The following PLCG2 variants were observed in gnomAD, a reference collection of about 807,000 sequenced individuals.
PLCG2 encodes 1-phosphatidylinositol 4,5-bisphosphate phosphodiesterase gamma-2.
In PLCG2, 69 loss-of-function variants were observed where a neutral mutation model predicts 175.6. The ratio of observed to expected loss-of-function variants is 0.39; its 90% CI spans 0.32 to 0.48. PLCG2 has a LOEUF of 0.48. Among genes scored for constraint, PLCG2 ranks in the 20% least tolerant of loss-of-function variants. The probability of loss-of-function intolerance (pLI) is 0.91; values close to 1 mark genes in which losing one functional copy is unlikely to be tolerated. For synonymous variants in PLCG2, 827 were observed against 624.0 expected (o/e 1.33, Z -4.85); for missense variants, 1,798 against 1,650.9 (o/e 1.09, Z -1.54).
Position 81,958,139 on chromosome 16 carries a change from G to C in PLCG2, c.*141G>C, listed in dbSNP as rs775185402. On this transcript the variant is annotated 3_prime_UTR_variant, in exon 33 of 33. Coordinates refer to ENST00000564138, the MANE Select transcript of PLCG2 (RefSeq NM_002661.5). ...GCCTGCCATCAAGGACATTTCTTAAGACCCAACTGGCATGAGTTGGGGTAA... is the reference window on the plus strand; with the variant it reads ...GCCTGCCATCAAGGACATTTCTTAACACCCAACTGGCATGAGTTGGGGTAA... The C allele has an allele frequency of 8.5e-5, 56 of 662,656 alleles. No individual in the cohort carries two copies. The highest frequency in any genetic ancestry group is 1.5e-4 in the Non-Finnish European group (53 of 359,146). 41.0% of individuals were successfully genotyped at this position (662,656 alleles called of 1,614,324 possible).
intron 2 of PLCG2, among the ~76,000 whole-genome samples, chr16:81,807,071 G>A (rs1904284571): frequency 6.6e-6 from 1 of 152,182 alleles, no homozygotes; most frequent in South Asian, 2.1e-4. Context: ...TTCTCGCCAA[G>A]GCTTCCTAGG....
intron 9 of PLCG2, 80 bp downstream of exon 9, chr16:81,883,421 T>G: frequency 8.5e-7 from 1 of 1,181,592 alleles, no homozygotes. Flanking sequence ...CTGCCGCCTG[T>G]GCTCACCTGG....
At chr16:81,763,404 G>A (rs1194508977) in intron 2 of PLCG2, among the ~76,000 whole-genome samples, 2 of 152,258 alleles carry the variant, frequency 1.3e-5, no homozygotes, top group South Asian at 2.1e-4. Flanking sequence ...CTCTCTGCAA[G>A]GTCTCTTGTC....
chr16:81,814,660 A>G (rs1333144546), intron 2 of PLCG2, among the ~76,000 whole-genome samples: 1 of 151,814 alleles, frequency 6.6e-6, no homozygotes, highest in Non-Finnish European at 1.5e-5. Context: ...ATGCCACTGC[A>G]CTCCAGCCTG....
chr16:81,740,145 A>C (rs1340542431), intron 1 of PLCG2: 1 of 144,056 alleles, frequency 6.9e-6, no homozygotes, highest in African/African-American at 2.5e-5. Flanking sequence ...CTCCAAAAAA[A>C]AAAAAAAAAA....
chr16:81,816,257 G>C (rs1447311516), intron 2 of PLCG2, among the ~76,000 whole-genome samples: 1 of 152,092 alleles, frequency 6.6e-6, no homozygotes, highest in East Asian at 1.9e-4. Context: ...TGTAATCCCA[G>C]CTACTTGGGA....
At chr16:81,742,340 C>T (rs149164744) in intron 1 of PLCG2, among the ~76,000 whole-genome samples, 7 of 152,220 alleles carry the variant, frequency 4.6e-5, no homozygotes, top group South Asian at 2.1e-4. Flanking sequence ...TGGGATGAGA[C>T]CAATGAGGGC....
chr16:81,793,725 T>A (rs1654053016), intron 2 of PLCG2, among the ~76,000 whole-genome samples: 1 of 152,218 alleles, frequency 6.6e-6, no homozygotes, highest in South Asian at 2.1e-4. Context: ...GAATGCTCAC[T>A]GTGTCCTAGT....
intron 2 of PLCG2, among the ~76,000 whole-genome samples, chr16:81,833,513 C>CA (rs1207667865): frequency 7.0e-6 from 1 of 142,786 alleles, no homozygotes; most frequent in Non-Finnish European, 1.5e-5. Context: ...TTTTTTTTTT[C>CA]AATTTCAAAA....
chr16:81,772,364 G>A (rs1271119411), intron 2 of PLCG2, among the ~76,000 whole-genome samples: 1 of 152,138 alleles, frequency 6.6e-6, no homozygotes, highest in Non-Finnish European at 1.5e-5. Context: ...GCTGCTGCTG[G>A]CACCTTGCAT....
intron 25 of PLCG2, among the ~76,000 whole-genome samples, chr16:81,932,035 C>G (rs1159870093): frequency 6.6e-6 from 1 of 152,192 alleles, no homozygotes; most frequent in Non-Finnish European, 1.5e-5. Flanking sequence ...AAAACGTTCA[C>G]TGAGCTCACC....
At chr16:81,896,587 A>C (rs997688190) in intron 13 of PLCG2, among the ~76,000 whole-genome samples, 2 of 152,138 alleles carry the variant, frequency 1.3e-5, no homozygotes, top group South Asian at 4.1e-4. Flanking sequence ...CAAAGGAAAA[A>C]AACCCAAAAA....
chr16:81,811,514 CCT>C (rs1421683210), intron 2 of PLCG2, among the ~76,000 whole-genome samples: 2 of 152,040 alleles, frequency 1.3e-5, no homozygotes, highest in African/African-American at 4.8e-5. Flanking sequence ...TGCTATCCCT[CCT>C]CTAGTCCCCC....
chr16:81,924,827 T>A (rs1168279024), intron 22 of PLCG2, among the ~76,000 whole-genome samples: 1 of 152,230 alleles, frequency 6.6e-6, no homozygotes, highest in Non-Finnish European at 1.5e-5. Context: ...ATGCTTCCCC[T>A]TGGAGGCTCC....
At chr16:81,927,040 C>G in intron 22 of PLCG2, 42 bp from the exon 23 acceptor site, 3 of 1,338,830 alleles carry the variant, frequency 2.2e-6, no homozygotes, top group Non-Finnish European at 3.2e-6. Flanking sequence ...GTAATTCATG[C>G]CACCTGGTGA....
chr16:81,768,529 A>C (rs1597307958), intron 2 of PLCG2, among the ~76,000 whole-genome samples: 1 of 139,876 alleles, frequency 7.1e-6, no homozygotes, highest in Non-Finnish European at 1.5e-5. Flanking sequence ...CCACATCCTC[A>C]CCAGCACTCG....
chr16:81,859,075 T>C (rs760234111), intron 4 of PLCG2, 41 bp from the exon 5 acceptor site: 10 of 1,287,616 alleles, frequency 7.8e-6, no homozygotes, highest in Non-Finnish European at 1.1e-5. Context: ...ATTTTCTAAT[T>C]TTCTCTTTCT....
At chr16:81,822,781 A>AAAAAAAG in intron 2 of PLCG2, among the ~76,000 whole-genome samples, 2 of 149,638 alleles carry the variant, frequency 1.3e-5, no homozygotes, top group Non-Finnish European at 3.0e-5. Flanking sequence ...AAAAAAAAAA[A>AAAAAAAG]GAAAAAGGCA....
chr16:81,781,795 C>T (rs1437609731), intron 1 of PLCG2, among the ~76,000 whole-genome samples: 1 of 152,196 alleles, frequency 6.6e-6, no homozygotes, highest in Admixed American at 6.5e-5. Flanking sequence ...TTACCATGCA[C>T]AGAGCACTGA....
Sources: allele counts gnomAD v4.1 joint callset (sites outside exome capture counted in the v4.1 genomes callset), GRCh38; gene constraint gnomAD v4.1.1; transcripts MANE v1.5; gene names NCBI Gene and HGNC (gene_info 2026-07-23, HGNC 2026-07-21).